USP47: variants seen among roughly 807,000 people sequenced by gnomAD.
USP47 encodes ubiquitin carboxyl-terminal hydrolase 47.
USP47 carries 35 observed loss-of-function variants against 165.1 expected under a neutral mutation model. That is an observed-to-expected ratio of 0.21 (90% CI 0.16 to 0.28). The LOEUF (loss-of-function observed/expected upper bound fraction) is 0.28, where lower values mean the gene tolerates loss of function less well. USP47 is among the 10% of genes least tolerant of loss of function. USP47 has a pLI of 1.00. For synonymous variants in USP47, 531 were observed against 544.5 expected (o/e 0.98, Z 0.35); for missense variants, 1,277 against 1,607.4 (o/e 0.79, Z 3.52).
At chr11:11,913,398 C>G (rs958572074) in intron 8 of USP47, among the ~76,000 whole-genome samples, 1 of 151,288 alleles carries the variant, frequency 6.6e-6, no homozygotes, top group African/African-American at 2.4e-5. Context: ...AATACAATAC[C>G]ATTTATAATT....
Position 11,865,791 on chromosome 11 carries a change from C to G in USP47, c.40-14386C>G, listed in dbSNP as rs372667039. Among the ~76,000 whole-genome samples, 4 of 152,180 alleles carry G rather than the reference C, an allele frequency of 2.6e-5. No individual in the cohort carries two copies. In the South Asian group the frequency reaches 6.2e-4, roughly 24 times the overall value. On this transcript the variant is annotated intron_variant, in intron 1 of 27. Coordinates refer to ENST00000527733, the MANE Select transcript of USP47 (RefSeq NM_001282659.2). ...TTCCCTGATTACTGATGTTGACCAT[C>G]TTTTTATGTGCTTGTTGGCTATTTT... is the stretch of plus-strand genomic sequence containing the variant.
intron 20 of USP47, among the ~76,000 whole-genome samples, chr11:11,944,901 C>T: frequency 6.6e-6 from 1 of 152,062 alleles, no homozygotes; most frequent in Non-Finnish European, 1.5e-5. Context: ...ATAGTCTCAA[C>T]CGTAGGAAAA....
intron 14 of USP47, among the ~76,000 whole-genome samples, chr11:11,932,618 C>T (rs1162131318): frequency 6.6e-6 from 1 of 152,068 alleles, no homozygotes; most frequent in Non-Finnish European, 1.5e-5. Context: ...GCTGAAGAGA[C>T]CTACATTTGG....
chr11:11,849,801 A>C (rs1278050574), intron 1 of USP47, among the ~76,000 whole-genome samples: 1 of 152,170 alleles, frequency 6.6e-6, no homozygotes, highest in Non-Finnish European at 1.5e-5. Context: ...GCCACTTTCA[A>C]TAGTTCTCTG....
At chr11:11,879,692 G>A (rs1405107412) in intron 1 of USP47, among the ~76,000 whole-genome samples, 1 of 152,076 alleles carries the variant, frequency 6.6e-6, no homozygotes, top group Non-Finnish European at 1.5e-5. Flanking sequence ...AGATGTGGTA[G>A]CCTGTATCCC....
At chr11:11,927,176 T>C (rs1415438463) in intron 11 of USP47, among the ~76,000 whole-genome samples, 1 of 152,090 alleles carries the variant, frequency 6.6e-6, no homozygotes, top group African/African-American at 2.4e-5. Context: ...ATAATTCTTA[T>C]CCTTGTTCCT....
chr11:11,908,900 T>C (rs1390022556), intron 8 of USP47, among the ~76,000 whole-genome samples: 2 of 152,174 alleles, frequency 1.3e-5, no homozygotes, highest in Non-Finnish European at 2.9e-5. Flanking sequence ...GGGGAAGGTG[T>C]CCTTGATTAA....
In USP47 at chr11:11,942,372, T is replaced by C. The variant is rs1855535091; in HGVS notation, c.2351T>C (p.Met784Thr). Residue 784 changes from methionine (M) to threonine (T), a missense_variant, in exon 20 of 28, where the codon ATG becomes ACG. Around this residue, in one of 4 missense-constraint regions of USP47, gnomAD observed 909 missense variants for 1,068.1 expected, o/e 0.85. Transcript: ENST00000527733. The part of the protein sequence containing the change: ...VESSETLDYQ[M>T]AFADSHLWKL... ...AGCTCCGAGACTTTGGATTACCAGATGGCCTTTGCAGACTCTCATTTATGG... is the reference window on the plus strand; with the variant it reads ...AGCTCCGAGACTTTGGATTACCAGACGGCCTTTGCAGACTCTCATTTATGG... 1.2e-6 allele frequency: 2 copies of C among 1,610,242 alleles called. No individual in the cohort carries two copies. Among genetic ancestry groups the C allele is most frequent in the Non-Finnish European group, 8.5e-7 (1 of 1,178,324 alleles).
Position 11,955,141 on chromosome 11 carries a change from T to C in USP47, c.3870T>C (p.Asp1290=). The change falls in exon 27 of 28, where the codon GAT becomes GAC. Residue 1290 remains aspartate, a synonymous_variant. Transcript: ENST00000527733. The stretch of plus-strand genomic sequence containing the variant: ...ATGTCTGGCCTCTTTATATCTGTGA[T>C]GATGGTGCGGTCATATTTTATAGGT... ...TLNVWPLYIC[D]DGAVIFYRDK... 6.2e-7 allele frequency: 1 copy of C among 1,613,728 alleles called. No homozygotes were observed. The highest frequency in any genetic ancestry group is 8.5e-7 in the Non-Finnish European group (1 of 1,179,864).
At chr11:11,864,094 A>G (rs1327722588) in intron 1 of USP47, among the ~76,000 whole-genome samples, 2 of 152,116 alleles carry the variant, frequency 1.3e-5, no homozygotes, top group Non-Finnish European at 2.9e-5. Context: ...AGCTATATTT[A>G]TTTTATATCT....
chr11:11,940,257 C>T (rs1234574909), intron 18 of USP47, among the ~76,000 whole-genome samples, 172 bp from the exon 19 acceptor site: 1 of 151,926 alleles, frequency 6.6e-6, no homozygotes, highest in African/African-American at 2.4e-5. Flanking sequence ...TAATTTATGG[C>T]TATAAGTAAT....
rs746221189 is a variant in USP47 at position 11,883,593 on chromosome 11, A to G, written c.244-874A>G. Among the ~76,000 whole-genome samples the G allele has an allele frequency of 1.1e-4, 16 of 152,230 alleles. 1 individual carries two copies. The highest frequency in any genetic ancestry group is 2.6e-4 in the Admixed American group (4 of 15,282). ...AAATGAGTATAAGGAGACTCTGCCC[A>G]TGTCTTTGAAACATTAAAAACATTT... On this transcript the variant is annotated intron_variant, in intron 2 of 27. Transcript: ENST00000527733.
intron 20 of USP47, among the ~76,000 whole-genome samples, chr11:11,947,702 A>G (rs2134840454): frequency 6.6e-6 from 1 of 152,294 alleles, no homozygotes; most frequent in South Asian, 2.1e-4. Context: ...TGAGTTTGGC[A>G]ACCTAAACAA....
intron 8 of USP47, among the ~76,000 whole-genome samples, chr11:11,915,909 T>C (rs1853379988): frequency 6.6e-6 from 1 of 152,164 alleles, no homozygotes; most frequent in Admixed American, 6.6e-5. Flanking sequence ...GTATGGTGTT[T>C]TAACACTCAT....
intron 24 of USP47, 41 bp from the exon 25 acceptor site, chr11:11,952,700 C>G (rs1476559495): frequency 7.3e-6 from 11 of 1,507,898 alleles, no homozygotes; most frequent in Non-Finnish European, 9.8e-6. Flanking sequence ...TATGAACCTT[C>G]AGAGGAAATA....
intron 22 of USP47, among the ~76,000 whole-genome samples, 176 bp from the exon 23 acceptor site, chr11:11,949,713 C>T (rs1044954721): frequency 6.6e-6 from 1 of 151,980 alleles, no homozygotes; most frequent in East Asian, 1.9e-4. Context: ...GTAAACTTGC[C>T]CAAGATAGCT....
At chr11:11,852,871 C>T (rs1341982741) in intron 1 of USP47, among the ~76,000 whole-genome samples, 1 of 152,182 alleles carries the variant, frequency 6.6e-6, no homozygotes, top group Non-Finnish European at 1.5e-5. Context: ...TGCTGTTCCT[C>T]AGATGTGCTG....
At chr11:11,909,421 G>A (rs1852803886) in intron 8 of USP47, among the ~76,000 whole-genome samples, 1 of 152,020 alleles carries the variant, frequency 6.6e-6, no homozygotes, top group Admixed American at 6.5e-5. Flanking sequence ...GTATATTCTA[G>A]TAATACATAG....
In USP47 at chr11:11,954,897, C is replaced by T. The variant is rs567250524; in HGVS notation, c.3715C>T (p.Leu1239Phe). Residue 1239 changes from leucine to phenylalanine, a missense_variant and splice_region_variant, in exon 26 of 28, where the codon CTT becomes TTT. Leu to Phe is a conservative substitution (Grantham distance 22, BLOSUM62 0). Transcript: ENST00000527733. ...TCAAATAAAATGTTTTATTTTACAG[C>T]TTAGTGAAATCAGTGGGATTCCTTT... is the stretch of plus-strand genomic sequence containing the variant. ...SSSVDELREK[L>F]SEISGIPLDD... The T allele has an allele frequency of 6.2e-7, 1 of 1,612,976 alleles. No individual in the cohort carries two copies. The highest frequency in any genetic ancestry group is 2.2e-5 in the East Asian group (1 of 44,820).
Sources: gnomAD v4.1 joint callset for allele counts (sites outside exome capture counted in the v4.1 genomes callset) on GRCh38, gnomAD v4.1.1 for gene constraint, gnomAD v4.1.1 regional missense constraint, MANE v1.5 for transcripts, NCBI Gene and HGNC (gene_info 2026-07-23, HGNC 2026-07-21) for gene names.